SCLT1: variants seen among roughly 807,000 people sequenced by gnomAD.
SCLT1 encodes sodium channel-associated protein 1.
Under a neutral mutation model 112.8 loss-of-function variants are expected in SCLT1, and 78 were observed. That is an observed-to-expected ratio of 0.69 (90% confidence interval 0.58 to 0.83). The LOEUF is 0.83. Among genes scored for constraint, SCLT1 ranks in the 40% least tolerant of loss-of-function variants. The probability of loss-of-function intolerance (pLI) is 0.00; values close to 1 mark genes in which losing one functional copy is unlikely to be tolerated. For missense variants in SCLT1, 747 were observed against 770.4 expected (o/e 0.97, Z 0.36); for synonymous variants, 257 against 254.7 (o/e 1.01, Z -0.09).
At chr4:128,960,041 T>C (rs1739548718) in intron 11 of SCLT1, among the ~76,000 whole-genome samples, 1 of 152,214 alleles carries the variant, frequency 6.6e-6, no homozygotes, top group Admixed American at 6.5e-5. Context: ...AGACTAAGCC[T>C]GGATTTTCTG....
chr4:129,089,961 A>C (rs1032090567), intron 1 of SCLT1, among the ~76,000 whole-genome samples: 1 of 152,196 alleles, frequency 6.6e-6, no homozygotes, highest in Admixed American at 6.5e-5. Flanking sequence ...GAGTATACCT[A>C]TGTAACAAAA....
intron 11 of SCLT1, among the ~76,000 whole-genome samples, chr4:128,963,171 G>A (rs1222650580): frequency 6.6e-6 from 1 of 152,146 alleles, no homozygotes; most frequent in African/African-American, 2.4e-5. Context: ...TATGAGTAAT[G>A]AAGGTCAGAA....
chr4:128,931,336 C>T (rs1736743656), intron 18 of SCLT1, among the ~76,000 whole-genome samples: 1 of 152,074 alleles, frequency 6.6e-6, no homozygotes, highest in African/African-American at 2.4e-5. Context: ...TAAAAAGGAA[C>T]TGCCTTTTGT....
chr4:129,069,287 ATTG>A (rs1348393362), intron 2 of SCLT1, among the ~76,000 whole-genome samples: 1 of 152,004 alleles, frequency 6.6e-6, no homozygotes, highest in Non-Finnish European at 1.5e-5. Context: ...GAATTTTAGA[ATTG>A]TTTTTTCTAA....
At chr4:128,943,532 G>T (rs139036346) in intron 16 of SCLT1, among the ~76,000 whole-genome samples, 2 of 151,954 alleles carry the variant, frequency 1.3e-5, no homozygotes, top group South Asian at 2.1e-4. Context: ...AGGATGAAGC[G>T]GATAATAACC....
intron 19 of SCLT1, among the ~76,000 whole-genome samples, chr4:128,889,097 T>A (rs907558269): frequency 6.6e-5 from 10 of 152,340 alleles, no homozygotes; most frequent in Non-Finnish European, 1.5e-5. Flanking sequence ...CACAGACTGC[T>A]GGGCCTTACA....
rs186852775 is a variant in SCLT1 at position 128,998,487 on chromosome 4, T to C, written c.550-548A>G. Among the ~76,000 whole-genome samples, 400 of 151,924 alleles carry C rather than the reference T, an allele frequency of 2.6e-3. 2 individuals are homozygous for C. The highest frequency in any genetic ancestry group is 4.7e-3 in the Admixed American group (72 of 15,230). ...AAATATACTGAAAGACAGAATTAAA[T>C]AGATAACCAGGGAAAAAAGAATGAA... On this transcript the variant is annotated intron_variant, in intron 7 of 20. Transcript: ENST00000281142.
intron 18 of SCLT1, among the ~76,000 whole-genome samples, chr4:128,895,344 A>G (rs1344779941): frequency 1.3e-5 from 2 of 152,172 alleles, no homozygotes; most frequent in Non-Finnish European, 2.9e-5. Flanking sequence ...ATTCCTGAGA[A>G]TGTCATAAGA....
chr4:128,883,161 A>C (rs950248807), downstream of SCLT1, among the ~76,000 whole-genome samples: 31 of 150,336 alleles, frequency 2.1e-4, no homozygotes, highest in African/African-American at 6.3e-4. Flanking sequence ...CAACAACAAA[A>C]AAAAAAAAAA....
intron 18 of SCLT1, among the ~76,000 whole-genome samples, chr4:128,911,963 A>T (rs1182930330): frequency 6.6e-6 from 1 of 152,232 alleles, no homozygotes; most frequent in Non-Finnish European, 1.5e-5. Flanking sequence ...TAAAAGGCAT[A>T]TTTTCAGGGG....
chr4:128,941,522 C>A (rs1175900712), intron 17 of SCLT1, among the ~76,000 whole-genome samples: 1 of 151,480 alleles, frequency 6.6e-6, no homozygotes, highest in Non-Finnish European at 1.5e-5. Flanking sequence ...CTGTTTTTTC[C>A]TTATTAATAT....
In SCLT1 at chr4:129,043,542, T is replaced by C; in HGVS notation, c.162-75A>G. The C allele has an allele frequency of 4.5e-6, 3 of 667,036 alleles. No homozygotes were observed. The South Asian group carries it at 6.3e-5, about 14-fold the overall frequency. The allele number at this position is 667,036 out of a possible 1,614,324, so 41.3% of individuals were successfully genotyped here. A position where few individuals can be genotyped will look rare whatever the true frequency, so the allele number is the denominator to read the frequency against. On this transcript the variant is annotated intron_variant, in intron 3 of 20. Coordinates refer to ENST00000281142, the MANE Select transcript of SCLT1 (RefSeq NM_144643.4). ...TAAATATATAACAAGTGAAATAAAT[T>C]ACACATAAAAATTTTATGTTTAGTT...
chr4:128,949,200 G>A (rs959857256), intron 14 of SCLT1, among the ~76,000 whole-genome samples: 2 of 150,634 alleles, frequency 1.3e-5, no homozygotes, highest in African/African-American at 4.9e-5. Context: ...CTGGAGAATG[G>A]GTAATGTGTA....
chr4:129,090,106 T>C (rs1487396215), intron 1 of SCLT1, among the ~76,000 whole-genome samples: 1 of 152,190 alleles, frequency 6.6e-6, no homozygotes, highest in East Asian at 1.9e-4. Context: ...ATCAAAAATT[T>C]CAATACATAG....
At chr4:128,980,943 T>A (rs1165548315) in intron 9 of SCLT1, among the ~76,000 whole-genome samples, 1 of 151,996 alleles carries the variant, frequency 6.6e-6, no homozygotes, top group Non-Finnish European at 1.5e-5. Flanking sequence ...AAATAGAAAA[T>A]CCACATGAAT....
chr4:128,919,758 A>G (rs1323709668), intron 18 of SCLT1, among the ~76,000 whole-genome samples: 1 of 152,138 alleles, frequency 6.6e-6, no homozygotes, highest in African/African-American at 2.4e-5. Context: ...ATAACCTCAG[A>G]GACTACTATG....
intron 20 of SCLT1, 44 bp from the exon 21 acceptor site, chr4:128,884,583 G>A: frequency 2.4e-6 from 3 of 1,257,576 alleles, no homozygotes; most frequent in African/African-American, 1.5e-5. Context: ...CTTTTTCTGT[G>A]GAAAATCTTA....
intron 4 of SCLT1, among the ~76,000 whole-genome samples, chr4:129,042,036 C>T (rs1039506045): frequency 1.3e-5 from 2 of 151,988 alleles, no homozygotes; most frequent in African/African-American, 4.8e-5. Context: ...CGTGAGCTAC[C>T]ACACCTGGCC....
intron 10 of SCLT1, among the ~76,000 whole-genome samples, chr4:128,967,473 G>A (rs1740306884): frequency 6.6e-6 from 1 of 152,168 alleles, no homozygotes; most frequent in Non-Finnish European, 1.5e-5. Flanking sequence ...ATTCCCACCA[G>A]CAGTGGATAA....
Sources: gnomAD v4.1 joint callset for allele counts (sites outside exome capture counted in the v4.1 genomes callset) on GRCh38, gnomAD v4.1.1 for gene constraint, MANE v1.5 for transcripts, NCBI Gene and HGNC (gene_info 2026-07-23, HGNC 2026-07-21) for gene names.